ZC3H4: variants seen among roughly 807,000 people sequenced by gnomAD.
The protein encoded by ZC3H4 is zinc finger CCCH domain-containing protein 4.
A neutral mutation model predicts 108.3 loss-of-function variants in ZC3H4; 13 were observed. The ratio of observed to expected loss-of-function variants is 0.12; its 90% CI spans 0.08 to 0.19. The LOEUF (loss-of-function observed/expected upper bound fraction) is 0.19. Among genes scored for constraint, ZC3H4 ranks in the 10% least tolerant of loss-of-function variants. The pLI, the probability that ZC3H4 is intolerant of heterozygous loss-of-function variation, is 1.00. For synonymous variants in ZC3H4, 917 were observed against 749.6 expected (o/e 1.22, Z -3.65); for missense variants, 1,734 against 1,838.8 (o/e 0.94, Z 1.04).
In ZC3H4 at chr19:47,072,649, T is replaced by C; in HGVS notation, c.1505A>G (p.Gln502Arg). The C allele has an allele frequency of 6.2e-7, 1 of 1,613,472 alleles. No individual in the cohort carries two copies. Among genetic ancestry groups the C allele is most frequent in the Non-Finnish European group, 8.5e-7 (1 of 1,179,950 alleles). The part of the protein sequence containing the change: ...DEKEVEELKK[Q>R]GINPLPKPPP... ...CGGTTTGGGCAGGGGGTTGATGCCC[T>C]GCTTCTTCAGTTCCTCCACCTCCTT... Residue 502 changes from glutamine to arginine, a missense_variant, in exon 12 of 15, where the codon CAG becomes CGG. Around this residue, in one of 9 missense-constraint regions of ZC3H4, gnomAD observed 66 missense variants for 166.8 expected, o/e 0.40. Transcript: ENST00000253048. The surrounding 1 kb of genome is among the most constrained non-coding windows in gnomAD (Gnocchi z 5.6).
intron 5 of ZC3H4, among the ~76,000 whole-genome samples, chr19:47,089,472 G>A (rs1432279118): frequency 9.2e-5 from 14 of 152,082 alleles, no homozygotes; most frequent in Non-Finnish European, 1.9e-4. Flanking sequence ...CCACTGCGCC[G>A]GCAGAGATGT....
At position 47,090,194 on chromosome 19, in the gene ZC3H4, G is replaced by A. The variant is rs200472525; in HGVS notation, c.493-5C>T. ...TGGGGGGTACTGCTGGTGGGACTGC[G>A]TCCCAGAGATGGGGAAAAGAGGTGA... On this transcript the variant is annotated splice_polypyrimidine_tract_variant and splice_region_variant and intron_variant, in intron 4 of 14. Transcript: ENST00000253048. 686 of 1,613,962 alleles carry A rather than the reference G, an allele frequency of 4.3e-4. 2 individuals carry two copies. Among genetic ancestry groups the A allele is most frequent in the South Asian group, 6.0e-4 (55 of 91,080 alleles).
chr19:47,091,069 C>T (rs527681870), intron 4 of ZC3H4, among the ~76,000 whole-genome samples: 2 of 151,876 alleles, frequency 1.3e-5, no homozygotes, highest in Admixed American at 6.6e-5. Flanking sequence ...GATGCAGACG[C>T]GAAATGCGAT....
chr19:47,076,312 C>T (rs1416529717), intron 11 of ZC3H4, among the ~76,000 whole-genome samples: 4 of 90,264 alleles, frequency 4.4e-5, no homozygotes, highest in Admixed American at 1.3e-4. Flanking sequence ...CACATGCACG[C>T]GTGCGCGCGC....
chr19:47,066,708 T>G lies in ZC3H4; in HGVS notation c.3560A>C (p.Glu1187Ala), dbSNP rs1423051191. The G allele has an allele frequency of 6.2e-7, 1 of 1,608,860 alleles. No homozygotes were observed. The highest frequency in any genetic ancestry group is 2.2e-5 in the East Asian group (1 of 44,802). ...NGKSSASKAK[E>A]PPFVRKSALE... ...GGCAGACTTGCGGACGAACGGGGGC[T>G]CCTTAGCCTTGGAGGCCGAGCTCTT... Residue 1187 changes from glutamate to alanine, a missense_variant, in exon 15 of 15, where the codon GAG becomes GCG. Transcript: ENST00000253048.
At position 47,089,969 on chromosome 19, in the gene ZC3H4, C is replaced by T. The variant is rs747163575; in HGVS notation, c.713G>A (p.Arg238Gln). 2.6e-5 allele frequency: 42 copies of T among 1,614,158 alleles called. No homozygotes were observed. Among genetic ancestry groups the T allele is most frequent in the Non-Finnish European group, 3.5e-5 (41 of 1,180,034 alleles). ...GAAACTGTAAGGGCAGGGCTCACCTCGGCCGCGGCTGCTGCCCTCCTTGGC... is the reference window on the plus strand; with the variant it reads ...GAAACTGTAAGGGCAGGGCTCACCTTGGCCGCGGCTGCTGCCCTCCTTGGC... ...RRAKEGSSRG[R>Q]GSRGRGRGYR... The change falls in exon 5 of 15, where the codon CGA (arginine) becomes CAA (glutamine). Residue 238 changes from arginine (R) to glutamine (Q), a missense_variant and splice_region_variant. Coordinates refer to ENST00000253048, the MANE Select transcript of ZC3H4 (RefSeq NM_015168.2).
chr19:47,066,010 C>T lies in ZC3H4; in HGVS notation c.*346G>A, dbSNP rs2057187482. On this transcript the variant is annotated 3_prime_UTR_variant, in exon 15 of 15. Coordinates refer to ENST00000253048, the MANE Select transcript of ZC3H4 (RefSeq NM_015168.2). ...CTGGGGAAAAGGGGCCATGCTTTGC[C>T]CAGAAAACCCACTGGGCCTCCAGCA... is the stretch of plus-strand genomic sequence containing the variant. 1 of 203,964 alleles carries T rather than the reference C, an allele frequency of 4.9e-6. No homozygotes were observed. Among genetic ancestry groups the T allele is most frequent in the Non-Finnish European group, 9.7e-6 (1 of 102,686 alleles). The allele number at this position is 203,964 out of a possible 1,614,324, so 12.6% of individuals were successfully genotyped here. A position where few individuals can be genotyped will look rare whatever the true frequency, so the allele number is the denominator to read the frequency against.
chr19:47,085,815 A>C (rs1234121063), intron 6 of ZC3H4, among the ~76,000 whole-genome samples: 3 of 152,138 alleles, frequency 2.0e-5, no homozygotes, highest in Non-Finnish European at 4.4e-5. Flanking sequence ...GACTTTCAGG[A>C]AACTTCTCTC....
At chr19:47,068,958 T>C in intron 14 of ZC3H4, 134 bp downstream of exon 14, 6 of 1,514,450 alleles carry the variant, frequency 4.0e-6, no homozygotes, top group South Asian at 1.3e-5. Flanking sequence ...CCCGGCTTCA[T>C]GGCCCTGGAC....
intron 5 of ZC3H4, among the ~76,000 whole-genome samples, chr19:47,087,171 G>A (rs908476539): frequency 6.6e-6 from 1 of 151,786 alleles, no homozygotes; most frequent in African/African-American, 2.4e-5. Context: ...AGTTACTCAG[G>A]AGGCTCAGGT....
chr19:47,108,720 T>C (rs999055869), intron 2 of ZC3H4, among the ~76,000 whole-genome samples: 1 of 152,224 alleles, frequency 6.6e-6, no homozygotes, highest in Non-Finnish European at 1.5e-5. Context: ...CAGCAGTGGC[T>C]TACTAAAATA....
At chr19:47,071,706 C>T in intron 13 of ZC3H4, 72 bp downstream of exon 13, 2 of 1,475,106 alleles carry the variant, frequency 1.4e-6, no homozygotes, top group Non-Finnish European at 1.8e-6. Flanking sequence ...GAAGAAAAAT[C>T]ACATCTCCCC....
chr19:47,082,090 G>A (rs1340084537), intron 10 of ZC3H4, 94 bp downstream of exon 10: 2 of 1,066,438 alleles, frequency 1.9e-6, no homozygotes, highest in Admixed American at 1.7e-5. Flanking sequence ...CAGAGAGAAA[G>A]CACAGAGAAG....
chr19:47,089,936 C>A (rs1379573611), intron 5 of ZC3H4, 31 bp downstream of exon 5: 1 of 1,612,654 alleles, frequency 6.2e-7, no homozygotes, highest in Non-Finnish European at 8.5e-7. Context: ...CTCCGATGCC[C>A]CAGAGGAGAA....
chr19:47,079,651 G>A (rs139476493), intron 11 of ZC3H4, among the ~76,000 whole-genome samples: 1,646 of 152,236 alleles, frequency 0.011, 32 homozygotes, highest in African/African-American at 0.037. Flanking sequence ...TAATCCCAGC[G>A]ATTTGGGAGG....
intron 2 of ZC3H4, among the ~76,000 whole-genome samples, chr19:47,102,286 T>C (rs2057913614): frequency 6.6e-6 from 1 of 152,220 alleles, no homozygotes; most frequent in Non-Finnish European, 1.5e-5. Context: ...AGACCAGCTC[T>C]TAACCTCTAC....
At chr19:47,084,911 C>T in intron 8 of ZC3H4, 145 bp downstream of exon 8, 1 of 1,083,980 alleles carries the variant, frequency 9.2e-7, no homozygotes, top group East Asian at 2.4e-5. Context: ...CTAGTTGTCG[C>T]TGGTTATGCT....
intron 2 of ZC3H4, among the ~76,000 whole-genome samples, chr19:47,100,126 T>A (rs1266308656): frequency 6.6e-6 from 1 of 152,108 alleles, no homozygotes; most frequent in Non-Finnish European, 1.5e-5. Context: ...GGACTAGTCG[T>A]TTATTAGGAT....
intron 9 of ZC3H4, 56 bp downstream of exon 9, chr19:47,084,289 T>A: frequency 2.6e-6 from 4 of 1,537,988 alleles, no homozygotes; most frequent in Non-Finnish European, 3.6e-6. Flanking sequence ...CTGGAAGCCA[T>A]GTGTCCTCTG....
Sources: gnomAD v4.1 joint callset for allele counts (sites outside exome capture counted in the v4.1 genomes callset) on GRCh38, gnomAD v4.1.1 for gene constraint, gnomAD v4.1.1 regional missense constraint, Gnocchi (gnomAD v3.1) non-coding constraint, MANE v1.5 for transcripts, NCBI Gene and HGNC (gene_info 2026-07-23, HGNC 2026-07-21) for gene names.